P2RY8: variants seen among roughly 807,000 people sequenced by gnomAD.
The protein encoded by P2RY8 is S-geranylgeranyl-glutathione receptor P2RY8.
P2RY8 carries 6 observed loss-of-function variants against 10.0 expected under a neutral mutation model. The observed-to-expected ratio is 0.60, with a 90% confidence interval of 0.33 to 1.19. P2RY8 has a LOEUF of 1.19. Among genes scored for constraint, P2RY8 ranks in the 50% most tolerant of loss-of-function variants. P2RY8 has a pLI of 0.04. For missense variants in P2RY8, 456 were observed against 542.0 expected (o/e 0.84, Z 1.58); for synonymous variants, 276 against 252.5 (o/e 1.09, Z -0.88).
At chrX:1,497,073 G>T (rs1447968361) in intron 1 of P2RY8, among the ~76,000 whole-genome samples, 2 of 150,192 alleles carry the variant, frequency 1.3e-5, no homozygotes, top group Non-Finnish European at 3.0e-5. Context: ...ACAAAAATTA[G>T]CCAGGCGTGG....
rs1569538372 is a variant in P2RY8, at chrX:1,514,848, TCCCTCCCCCTCCC to T, written c.-25+22060_-25+22072del. Among the ~76,000 whole-genome samples, 10 of 27,906 alleles carry T rather than the reference TCCCTCCCCCTCCC, an allele frequency of 3.6e-4. 1 individual carries two copies. In the East Asian group the frequency reaches 5.9e-3, roughly 16 times the overall value. The allele number at this position is 27,906 out of a possible 152,430, so 18.3% of individuals were successfully genotyped here. A position where few individuals can be genotyped will look rare whatever the true frequency, so the allele number is the denominator to read the frequency against. On this transcript the variant is annotated intron_variant, in intron 1 of 1. Coordinates refer to ENST00000381297, the MANE Select transcript of P2RY8 (RefSeq NM_178129.5). ...CTTTCCCTTTCCTTCCCTTTCCCTTTCCCTCCCCCTCCCCCTCCCCTTCCCCTGTCTTCCTCTC... is the reference window on the plus strand; with the variant it reads ...CTTTCCCTTTCCTTCCCTTTCCCTTTCCTCCCCTTCCCCTGTCTTCCTCTC...
intron 1 of P2RY8, among the ~76,000 whole-genome samples, chrX:1,502,342 G>C (rs763892510): frequency 3.5e-4 from 53 of 152,176 alleles, no homozygotes; most frequent in Non-Finnish European, 6.9e-4. Flanking sequence ...GGGCAGGGGT[G>C]GGGGTGGCAA....
intron 1 of P2RY8, among the ~76,000 whole-genome samples, chrX:1,509,071 C>CTATG (rs2092265625): frequency 6.9e-6 from 1 of 144,972 alleles, no homozygotes; most frequent in Admixed American, 6.9e-5. Flanking sequence ...ATCTATGTAT[C>CTATG]TATCTATGTA....
chrX:1,486,887 G>A (rs771802578), intron 1 of P2RY8, among the ~76,000 whole-genome samples: 1 of 152,312 alleles, frequency 6.6e-6, no homozygotes, highest in Admixed American at 6.5e-5. Flanking sequence ...CCCGCTTGTT[G>A]CTTGGGTCTT....
At position 1,465,656 on chromosome X, in the gene P2RY8, C is replaced by T. The variant is rs151217179; in HGVS notation, c.903G>A (p.Gln301=). ...FVYYFASREF[Q]LRLREYLGCR... Reference sequence around the variant, plus strand: ...AGCCCAAATATTCCCGCAGGCGCAGCTGGAATTCCCGGGACGCAAAGTAAT... The same window carrying T: ...AGCCCAAATATTCCCGCAGGCGCAGTTGGAATTCCCGGGACGCAAAGTAAT... Residue 301 remains glutamine (Q), a synonymous_variant, in exon 2 of 2, where the codon CAG becomes CAA. Transcript: ENST00000381297. 2 of 1,613,426 alleles carry T rather than the reference C, an allele frequency of 1.2e-6. No homozygotes were observed. Among genetic ancestry groups the T allele is most frequent in the Non-Finnish European group, 1.7e-6 (2 of 1,179,838 alleles).
At chrX:1,474,801 G>C in intron 1 of P2RY8, among the ~76,000 whole-genome samples, 1 of 150,184 alleles carries the variant, frequency 6.7e-6, no homozygotes, top group Non-Finnish European at 1.5e-5. Flanking sequence ...TGGATGGATA[G>C]ATGGGTGGCT....
intron 1 of P2RY8, among the ~76,000 whole-genome samples, chrX:1,508,702 C>CATCCATCT (rs1224676271): frequency 0.065 from 5,539 of 85,334 alleles, 236 homozygotes; most frequent in Middle Eastern, 0.12. Flanking sequence ...TCCATCCATC[C>CATCCATCT]ATTCTATCTA....
chrX:1,506,870 G>T (rs2092238865), intron 1 of P2RY8, among the ~76,000 whole-genome samples: 2 of 151,816 alleles, frequency 1.3e-5, no homozygotes, highest in Non-Finnish European at 2.9e-5. Context: ...TAGAGACGGG[G>T]TTTCACCGTG....
intron 1 of P2RY8, among the ~76,000 whole-genome samples, chrX:1,520,867 C>G (rs1209202229): frequency 2.0e-5 from 3 of 151,428 alleles, no homozygotes; most frequent in Non-Finnish European, 4.4e-5. Context: ...CCCAAATGTC[C>G]CTGGTTCCCA....
intron 1 of P2RY8, among the ~76,000 whole-genome samples, chrX:1,514,606 C>T (rs1461501874): frequency 9.7e-6 from 1 of 103,502 alleles, no homozygotes; most frequent in African/African-American, 4.4e-5. Flanking sequence ...CCTTCCCTTT[C>T]CTCCCCTCCC....
chrX:1,482,160 G>GGTGTGTGT (rs5901178), intron 1 of P2RY8, among the ~76,000 whole-genome samples: 7 of 147,074 alleles, frequency 4.8e-5, no homozygotes, highest in Non-Finnish European at 7.5e-5. Context: ...TTGTGTGTGT[G>GGTGTGTGT]GTGTGTGTGT....
In P2RY8 at chrX:1,473,660, G is replaced by T. The variant is rs865928633; in HGVS notation, c.-24-7078C>A. Among the ~76,000 whole-genome samples, 9 of 110,450 alleles carry T rather than the reference G, an allele frequency of 8.1e-5. No homozygotes were observed. The East Asian group carries it at 1.9e-3, about 23-fold the overall frequency. 72.5% of individuals were successfully genotyped at this position (110,450 alleles called of 152,430 possible). ...GGTGGATGAATGGATGGATTGATGG[G>T]TAGATGGATGGGTGGATGTATAGAT... On this transcript the variant is annotated intron_variant, in intron 1 of 1. Transcript: ENST00000381297.
rs186224447 is a variant in P2RY8, at chrX:1,526,366, C to A, written c.-25+10555G>T. On this transcript the variant is annotated intron_variant, in intron 1 of 1. Transcript: ENST00000381297. ...TCCATCCATCTACTCAGTCATCCAT[C>A]CATTTATCAATACACCCACTATTCA... 1.3e-3 allele frequency among the ~76,000 whole-genome samples: 201 copies of A among 151,974 alleles called. 1 individual carries two copies. Among genetic ancestry groups the A allele is most frequent in the African/African-American group, 4.8e-3 (199 of 41,446 alleles).
At chrX:1,471,309 A>ATTTTTTTTTTTTT (rs1159260456) in intron 1 of P2RY8, among the ~76,000 whole-genome samples, 1 of 100,026 alleles carries the variant, frequency 1.0e-5, no homozygotes, top group Non-Finnish European at 1.9e-5. Context: ...CGCCCAGCCC[A>ATTTTTTTTTTTTT]TTTTTTTTTT....
At position 1,487,167 on chromosome X, in the gene P2RY8, C is replaced by T. The variant is rs180768310; in HGVS notation, c.-24-20585G>A. Among the ~76,000 whole-genome samples, 3 of 152,294 alleles carry T rather than the reference C, an allele frequency of 2.0e-5. No individual in the cohort carries two copies. The East Asian group carries it at 5.8e-4, about 29-fold the overall frequency. On this transcript the variant is annotated intron_variant, in intron 1 of 1. Coordinates refer to ENST00000381297, the MANE Select transcript of P2RY8 (RefSeq NM_178129.5). Reference sequence around the variant, plus strand: ...ACCACTGTGTGAACCAGTGACCTCACGGTGTCCCTCAGGGAGCCACAGTGA... The same window carrying T: ...ACCACTGTGTGAACCAGTGACCTCATGGTGTCCCTCAGGGAGCCACAGTGA...
At chrX:1,500,033 T>C (rs2092160993) in intron 1 of P2RY8, among the ~76,000 whole-genome samples, 1 of 93,802 alleles carries the variant, frequency 1.1e-5, no homozygotes, top group Non-Finnish European at 2.8e-5. Flanking sequence ...TAATTTTTTG[T>C]ATTTTTAGTA....
chrX:1,500,667 C>T (rs1240129065), intron 1 of P2RY8, among the ~76,000 whole-genome samples: 1 of 152,024 alleles, frequency 6.6e-6, no homozygotes, highest in Non-Finnish European at 1.5e-5. Flanking sequence ...AGGCTGGTCT[C>T]GAACTCCTGA....
chrX:1,519,222 T>C (rs749399327), intron 1 of P2RY8, among the ~76,000 whole-genome samples: 52 of 152,000 alleles, frequency 3.4e-4, no homozygotes, highest in African/African-American at 1.3e-3. Context: ...ATATTCTCTC[T>C]GAGTCTCAAT....
intron 1 of P2RY8, among the ~76,000 whole-genome samples, chrX:1,492,053 TG>T (rs1367112841): frequency 7.9e-5 from 12 of 152,170 alleles, no homozygotes; most frequent in Non-Finnish European, 1.5e-4. Flanking sequence ...CCATGGAAAC[TG>T]TGCACCCAGC....
Sources: gnomAD v4.1 joint callset for allele counts (sites outside exome capture counted in the v4.1 genomes callset) on GRCh38, gnomAD v4.1.1 for gene constraint, MANE v1.5 for transcripts, NCBI Gene and HGNC (gene_info 2026-07-23, HGNC 2026-07-21) for gene names.